The following FTO variants were observed in gnomAD, a reference collection of about 807,000 sequenced individuals.
FTO encodes the protein alpha-ketoglutarate-dependent dioxygenase FTO.
FTO carries 47 observed loss-of-function variants against 63.9 expected under a neutral mutation model. That is an observed-to-expected ratio of 0.74 (90% CI 0.58 to 0.94). FTO has a LOEUF of 0.94. Among genes scored for constraint, FTO ranks in the 40% least tolerant of loss-of-function variants. FTO has a pLI of 0.00. For missense variants in FTO, 562 were observed against 618.1 expected (o/e 0.91, Z 0.96); for synonymous variants, 207 against 224.4 (o/e 0.92, Z 0.69).
chr16:54,065,359 T>C (rs2085700614), intron 8 of FTO, among the ~76,000 whole-genome samples: 1 of 151,932 alleles, frequency 6.6e-6, no homozygotes, highest in Non-Finnish European at 1.5e-5. Flanking sequence ...GAATGGGGTC[T>C]TACTGTGTTG....
intron 6 of FTO, among the ~76,000 whole-genome samples, chr16:53,880,667 A>G (rs1043805672): frequency 6.6e-6 from 1 of 152,118 alleles, no homozygotes; most frequent in African/African-American, 2.4e-5. Flanking sequence ...TAGACGGTGC[A>G]AGGGCCAGGC....
chr16:54,080,575 G>GCTAAACTGAGGAACCA (rs2086117640), intron 8 of FTO, among the ~76,000 whole-genome samples: 1 of 152,192 alleles, frequency 6.6e-6, no homozygotes, highest in Admixed American at 6.5e-5. Flanking sequence ...GACTCTGTTA[G>GCTAAACTGAGGAACCA]CTAAACTGAG....
intron 8 of FTO, among the ~76,000 whole-genome samples, chr16:53,968,219 G>A (rs745910374): frequency 1.3e-5 from 2 of 152,138 alleles, no homozygotes; most frequent in Admixed American, 1.3e-4. Context: ...GTGCAGACAA[G>A]GAAGCTCACT....
intron 8 of FTO, among the ~76,000 whole-genome samples, chr16:54,013,089 C>T (rs1599203507): frequency 6.6e-6 from 1 of 152,142 alleles, no homozygotes; most frequent in African/African-American, 2.4e-5. Flanking sequence ...GGGAAGGATT[C>T]ACCATTCTAG....
chr16:53,799,467 C>T (rs2078164539), intron 1 of FTO, among the ~76,000 whole-genome samples: 1 of 151,856 alleles, frequency 6.6e-6, no homozygotes, highest in African/African-American at 2.4e-5. Context: ...CAAGCATATC[C>T]CTGGCATATA....
At chr16:54,009,376 T>G (rs1303316215) in intron 8 of FTO, among the ~76,000 whole-genome samples, 1 of 152,196 alleles carries the variant, frequency 6.6e-6, no homozygotes, top group Admixed American at 6.5e-5. Context: ...TATTTTCCGT[T>G]CATCAAACTA....
At chr16:53,997,296 G>A (rs541025397) in intron 8 of FTO, among the ~76,000 whole-genome samples, 38 of 152,070 alleles carry the variant, frequency 2.5e-4, no homozygotes, top group African/African-American at 7.0e-4. Flanking sequence ...GGGGGTAACC[G>A]CCCCCATGAT....
At chr16:53,851,173 T>C (rs573614901) in intron 4 of FTO, among the ~76,000 whole-genome samples, 2 of 150,848 alleles carry the variant, frequency 1.3e-5, no homozygotes, top group Non-Finnish European at 1.5e-5. Flanking sequence ...AATGGCTGGG[T>C]GCGGTGGCTC....
chr16:53,713,589 C>A (rs1000042063), intron 1 of FTO, among the ~76,000 whole-genome samples: 8 of 152,158 alleles, frequency 5.3e-5, no homozygotes, highest in Non-Finnish European at 1.2e-4. Flanking sequence ...AGAACAGGTT[C>A]AAGAGATGAA....
At chr16:54,041,357 T>G (rs1047675878) in intron 8 of FTO, among the ~76,000 whole-genome samples, 1 of 152,008 alleles carries the variant, frequency 6.6e-6, no homozygotes, top group East Asian at 1.9e-4. Context: ...GGAAACCGCC[T>G]CCATGATCCA....
chr16:53,979,437 G>A (rs927759218), intron 8 of FTO: 2 of 398,386 alleles, frequency 5.0e-6, no homozygotes, highest in African/African-American at 4.1e-5. Flanking sequence ...TGGCAGCATG[G>A]AATATTACAG....
intron 1 of FTO, among the ~76,000 whole-genome samples, chr16:53,725,673 G>A (rs911971677): frequency 2.0e-5 from 3 of 152,186 alleles, no homozygotes; most frequent in African/African-American, 7.2e-5. Context: ...TTGATAGTGG[G>A]ATGTCTTGGC....
intron 2 of FTO, among the ~76,000 whole-genome samples, chr16:53,819,417 C>A (rs376188115): frequency 1.4e-4 from 22 of 152,156 alleles, no homozygotes; most frequent in East Asian, 1.2e-3. Context: ...AGCAATACAC[C>A]CGCCTGAGTC....
intron 8 of FTO, among the ~76,000 whole-genome samples, chr16:53,956,387 T>G (rs1213595893): frequency 2.0e-5 from 3 of 151,888 alleles, no homozygotes; most frequent in Admixed American, 6.6e-5. Context: ...GAAGCCTGTC[T>G]TTGGGAGAAA....
chr16:53,779,217 T>G (rs534300197), intron 1 of FTO, among the ~76,000 whole-genome samples: 1 of 152,190 alleles, frequency 6.6e-6, no homozygotes, highest in Non-Finnish European at 1.5e-5. Flanking sequence ...TAACTGATCA[T>G]GTAATAGAAG....
At chr16:53,825,712 G>C in intron 2 of FTO, 152 bp from the exon 3 acceptor site, 2 of 807,980 alleles carry the variant, frequency 2.5e-6, no homozygotes, top group Non-Finnish European at 4.1e-6. Context: ...TTGGTTTTCT[G>C]TTTTGGGCTA....
chr16:53,922,104 G>A (rs2082020367), intron 7 of FTO, among the ~76,000 whole-genome samples: 1 of 152,118 alleles, frequency 6.6e-6, no homozygotes, highest in Admixed American at 6.6e-5. Context: ...TATCGATGAT[G>A]GTCAACAACA....
chr16:53,748,686 C>T (rs766405342), intron 1 of FTO, among the ~76,000 whole-genome samples: 6 of 152,130 alleles, frequency 3.9e-5, no homozygotes, highest in East Asian at 3.9e-4. Flanking sequence ...GAACTCCTGA[C>T]GTCAGGTGAT....
chr16:53,704,195 C>T lies in FTO; in HGVS notation c.11C>T (p.Thr4Ile), dbSNP rs1456216323. ...GGCTTTAGTGGCAGCATGAAGCGCA[C>T]CCCGACTGCCGAGGAACGAGAGCGC... MKR[T>I]PTAEEREREA... Residue 4 changes from threonine (T) to isoleucine (I), a missense_variant, in exon 1 of 9, where the codon ACC becomes ATC. By Grantham distance (89) the Thr-to-Ile change is moderately conservative. Transcript: ENST00000471389. 1.3e-6 allele frequency: 2 copies of T among 1,551,472 alleles called. No homozygotes were observed. The highest frequency in any genetic ancestry group is 3.9e-5 in the Admixed American group (2 of 51,000).
Sources: gnomAD v4.1 joint callset for allele counts (sites outside exome capture counted in the v4.1 genomes callset) on GRCh38, gnomAD v4.1.1 for gene constraint, MANE v1.5 for transcripts, NCBI Gene and HGNC (gene_info 2026-07-23, HGNC 2026-07-21) for gene names.